Variants in MEIS2 observed in about 807,000 individuals in gnomAD.
The protein encoded by MEIS2 is Meis homeobox 2.
MEIS2 carries 9 observed loss-of-function variants against 58.6 expected under a neutral mutation model. The ratio of observed to expected loss-of-function variants is 0.15; its 90% CI spans 0.09 to 0.27. The LOEUF is 0.27. Among genes scored for constraint, MEIS2 ranks in the 10% least tolerant of loss-of-function variants. The probability of loss-of-function intolerance (pLI) is 1.00; values close to 1 mark genes in which losing one functional copy is unlikely to be tolerated. For synonymous variants in MEIS2, 221 were observed against 228.4 expected (o/e 0.97, Z 0.29); for missense variants, 427 against 635.0 (o/e 0.67, Z 3.52).
rs953801644 is a variant in MEIS2, at chr15:36,973,348, C to T, written c.901-22948G>A. ...TGACACTGGCACAACACCTATTGCCCCGGTAGAAAGACCTTTATTTCAAAA... is the reference window on the plus strand; with the variant it reads ...TGACACTGGCACAACACCTATTGCCTCGGTAGAAAGACCTTTATTTCAAAA... On this transcript the variant is annotated intron_variant, in intron 8 of 11. Coordinates refer to ENST00000561208, the MANE Select transcript of MEIS2 (RefSeq NM_170675.5). Among the ~76,000 whole-genome samples, 6 of 152,156 alleles carry T rather than the reference C, an allele frequency of 3.9e-5. No homozygotes were observed. In the East Asian group the frequency reaches 1.2e-3, roughly 29 times the overall value.
chr15:37,010,225 C>G (rs906204783), intron 8 of MEIS2, among the ~76,000 whole-genome samples: 3 of 151,768 alleles, frequency 2.0e-5, no homozygotes, highest in Non-Finnish European at 2.9e-5. Flanking sequence ...GTAGCTGGGA[C>G]TACAGGCACC....
In MEIS2 at chr15:37,094,411, T is replaced by C. The variant is rs896719955; in HGVS notation, c.489+116A>G. 6.2e-6 allele frequency: 6 copies of C among 961,392 alleles called. No individual in the cohort carries two copies. In the African/African-American group the frequency reaches 9.8e-5, roughly 16 times the overall value. The allele number at this position is 961,392 out of a possible 1,614,324, so 59.6% of individuals were successfully genotyped here. ...GAGTTGAAGGATGGACATGGTTACA[T>C]GCTCAAAATCTCCAGGTGCTCAATC... On this transcript the variant is annotated intron_variant, in intron 5 of 11. Transcript: ENST00000561208.
At chr15:37,000,263 G>T (rs2060672125) in intron 8 of MEIS2, among the ~76,000 whole-genome samples, 1 of 152,124 alleles carries the variant, frequency 6.6e-6, no homozygotes, top group Admixed American at 6.6e-5. Context: ...TAGGGCTGCT[G>T]CTTTTAGGAG....
At chr15:36,906,863 T>G (rs1370520025) in intron 9 of MEIS2, among the ~76,000 whole-genome samples, 1 of 152,152 alleles carries the variant, frequency 6.6e-6, no homozygotes. Flanking sequence ...GTTCTTTATC[T>G]GACCATGACT....
At chr15:36,926,661 T>A (rs559365303) in intron 9 of MEIS2, among the ~76,000 whole-genome samples, 1 of 152,322 alleles carries the variant, frequency 6.6e-6, no homozygotes, top group Non-Finnish European at 1.5e-5. Context: ...TGGCCAGACA[T>A]CTTAACACTG....
chr15:37,048,038 G>A (rs187084445), intron 7 of MEIS2, among the ~76,000 whole-genome samples: 3 of 152,208 alleles, frequency 2.0e-5, no homozygotes, highest in Admixed American at 1.3e-4. Context: ...TTTTAGCGTT[G>A]TGAAGTGTTT....
intron 7 of MEIS2, among the ~76,000 whole-genome samples, chr15:37,070,385 C>T (rs953012208): frequency 1.3e-5 from 2 of 152,136 alleles, no homozygotes; most frequent in African/African-American, 4.8e-5. Flanking sequence ...GAAGCAGAGT[C>T]CCGGACCACA....
Position 37,036,913 on chromosome 15 carries a change from A to T in MEIS2, c.801T>A (p.Asp267Glu). 4 of 1,613,930 alleles carry T rather than the reference A, an allele frequency of 2.5e-6. No homozygotes were observed. The highest frequency in any genetic ancestry group is 2.2e-5 in the South Asian group (2 of 91,064). ...GTTTTTTGTCCTTATCCGGATCATC[A>T]TCGTCACCTGTACCAGGTGAAGCTA... ...NSVASPGTGDDDDPDKDKKRQ... is the reference protein window; with the variant it reads ...NSVASPGTGDEDDPDKDKKRQ... Residue 267 changes from aspartate (D) to glutamate (E), a missense_variant, in exon 8 of 12, where the codon GAT becomes GAA. By Grantham distance (45) the Asp-to-Glu change is conservative. Coordinates refer to ENST00000561208, the MANE Select transcript of MEIS2 (RefSeq NM_170675.5).
At chr15:36,998,374 C>A (rs969958247) in intron 8 of MEIS2, among the ~76,000 whole-genome samples, 2 of 151,560 alleles carry the variant, frequency 1.3e-5, no homozygotes, top group African/African-American at 2.4e-5. Flanking sequence ...GTGCACACCA[C>A]CACACCAGGC....
intron 8 of MEIS2, among the ~76,000 whole-genome samples, chr15:37,014,524 T>C (rs1433860574): frequency 2.6e-5 from 4 of 152,220 alleles, no homozygotes; most frequent in African/African-American, 9.6e-5. Context: ...TCTACATATG[T>C]TGTTTTGGTG....
At chr15:37,029,003 C>T (rs902444226) in intron 8 of MEIS2, among the ~76,000 whole-genome samples, 8 of 151,888 alleles carry the variant, frequency 5.3e-5, no homozygotes, top group Admixed American at 1.3e-4. Flanking sequence ...AGCATGTCCA[C>T]GGGAAAATAA....
chr15:37,050,228 C>T (rs1320799981), intron 7 of MEIS2, among the ~76,000 whole-genome samples: 2 of 152,172 alleles, frequency 1.3e-5, no homozygotes, highest in African/African-American at 2.4e-5. Flanking sequence ...CCCATGCCTA[C>T]ATTTCTACCC....
At chr15:36,925,695 G>T (rs976768221) in intron 9 of MEIS2, among the ~76,000 whole-genome samples, 2 of 152,114 alleles carry the variant, frequency 1.3e-5, no homozygotes, top group Non-Finnish European at 2.9e-5. Flanking sequence ...TAGCAAAATG[G>T]TAGCTCATAA....
At chr15:36,915,088 G>A (rs960386799) in intron 9 of MEIS2, among the ~76,000 whole-genome samples, 2 of 151,772 alleles carry the variant, frequency 1.3e-5, no homozygotes, top group Non-Finnish European at 2.9e-5. Context: ...CAGCTTCTCC[G>A]TGACTGGTGC....
At chr15:36,994,252 T>C (rs928048670) in intron 8 of MEIS2, among the ~76,000 whole-genome samples, 1 of 152,094 alleles carries the variant, frequency 6.6e-6, no homozygotes, top group Non-Finnish European at 1.5e-5. Flanking sequence ...ACTTCAAAAC[T>C]TCTACCCCCA....
chr15:37,022,251 C>T (rs2061549525), intron 8 of MEIS2, among the ~76,000 whole-genome samples: 1 of 151,886 alleles, frequency 6.6e-6, no homozygotes, highest in Non-Finnish European at 1.5e-5. Flanking sequence ...TAGATATTTC[C>T]TTCTACCCTG....
intron 7 of MEIS2, among the ~76,000 whole-genome samples, chr15:37,039,934 A>C (rs1046519101): frequency 6.6e-6 from 1 of 152,256 alleles, no homozygotes; most frequent in Non-Finnish European, 1.5e-5. Flanking sequence ...AATCCAGCAC[A>C]GAGAACTAAC....
chr15:36,992,112 A>C lies in MEIS2; in HGVS notation c.901-41712T>G, dbSNP rs541741654. On this transcript the variant is annotated intron_variant, in intron 8 of 11. Transcript: ENST00000561208. ...CTAAAGTGTTAATTTTCAATCGAAT[A>C]ACTTGTTTAGTCACTGAATTGCTAG... Among the ~76,000 whole-genome samples the C allele has an allele frequency of 4.2e-4, 64 of 152,198 alleles. 1 individual carries two copies. In the South Asian group the frequency reaches 0.011, roughly 27 times the overall value.
At chr15:37,098,357 G>A in intron 1 of MEIS2, 158 bp from the exon 2 acceptor site, 2 of 1,151,248 alleles carry the variant, frequency 1.7e-6, no homozygotes, top group South Asian at 6.7e-5. Context: ...AAGAGAGGAG[G>A]AGGAGGAAAA....
Sources: allele counts gnomAD v4.1 joint callset (sites outside exome capture counted in the v4.1 genomes callset), GRCh38; gene constraint gnomAD v4.1.1; transcripts MANE v1.5; gene names NCBI Gene and HGNC (gene_info 2026-07-23, HGNC 2026-07-21).